The following HDAC9 variants were observed in gnomAD, a reference collection of about 807,000 sequenced individuals.
HDAC9 encodes histone deacetylase 9, also known as MEF-2 interacting transcription repressor (MITR) protein.
HDAC9 carries 41 observed loss-of-function variants against 139.4 expected under a neutral mutation model. The ratio of observed to expected loss-of-function variants is 0.29; its 90% CI spans 0.23 to 0.38. The LOEUF (loss-of-function observed/expected upper bound fraction) is 0.38. Among genes scored for constraint, HDAC9 ranks in the 10% least tolerant of loss-of-function variants. The pLI is 1.00. For missense variants in HDAC9, 1,147 were observed against 1,297.0 expected, an observed-to-expected ratio of 0.88 and a Z score of 1.78; for synonymous variants, 517 against 476.2, an observed-to-expected ratio of 1.09 and a Z score of -1.12.
At chr7:18,509,311 C>A (rs563335289) in intron 2 of HDAC9, 3 of 985,262 alleles carry the variant, frequency 3.0e-6, no homozygotes, top group Admixed American at 6.2e-5. Flanking sequence ...GGTGGGGAAG[C>A]CTTTATCAAT....
chr7:18,137,534 A>G (rs1182596322), intron 1 of HDAC9, among the ~76,000 whole-genome samples: 1 of 151,888 alleles, frequency 6.6e-6, no homozygotes, highest in East Asian at 1.9e-4. Flanking sequence ...AATTTTGTCA[A>G]AGGCCTTTTC....
chr7:18,846,583 A>T (rs922197984), intron 21 of HDAC9, among the ~76,000 whole-genome samples: 14 of 152,254 alleles, frequency 9.2e-5, no homozygotes, highest in African/African-American at 3.1e-4. Context: ...TGTCACTTTC[A>T]GAAGTACGAA....
intron 2 of HDAC9, among the ~76,000 whole-genome samples, chr7:18,499,454 A>C (rs542197831): frequency 3.3e-5 from 5 of 152,254 alleles, no homozygotes; most frequent in African/African-American, 1.2e-4. Context: ...ATAATATTAA[A>C]TCTTAGAATT....
intron 21 of HDAC9, among the ~76,000 whole-genome samples, chr7:18,838,693 C>A (rs551829265): frequency 1.3e-5 from 2 of 151,954 alleles, no homozygotes; most frequent in South Asian, 4.1e-4. Context: ...AGTATTGAAC[C>A]AGAAGATCTT....
At chr7:18,990,895 G>A (rs919996229) in intron 25 of HDAC9, among the ~76,000 whole-genome samples, 1 of 152,204 alleles carries the variant, frequency 6.6e-6, no homozygotes, top group Non-Finnish European at 1.5e-5. Context: ...GTCTCGCCCT[G>A]CTTGGGCTCG....
At chr7:18,460,051 C>T (rs1793701623) in intron 1 of HDAC9, among the ~76,000 whole-genome samples, 1 of 151,532 alleles carries the variant, frequency 6.6e-6, no homozygotes, top group Admixed American at 6.6e-5. Context: ...TCTTGGGTAG[C>T]CGGGACTACA....
intron 17 of HDAC9, among the ~76,000 whole-genome samples, chr7:18,818,757 T>C (rs768700749): frequency 1.3e-5 from 2 of 152,186 alleles, no homozygotes; most frequent in African/African-American, 4.8e-5. Flanking sequence ...TTATTTTTCA[T>C]GATTTTGAAG....
intron 21 of HDAC9, among the ~76,000 whole-genome samples, chr7:18,842,778 T>A (rs918204233): frequency 1.3e-5 from 2 of 152,146 alleles, no homozygotes; most frequent in African/African-American, 4.8e-5. Context: ...GAATTTCTGC[T>A]CTTTGACCCT....
At chr7:18,457,082 A>G (rs1023106037) in intron 1 of HDAC9, among the ~76,000 whole-genome samples, 6 of 152,206 alleles carry the variant, frequency 3.9e-5, no homozygotes, top group Non-Finnish European at 8.8e-5. Flanking sequence ...ACCTTAGTCT[A>G]GTAGATTTCC....
At chr7:18,982,433 C>A (rs1273034233) in intron 25 of HDAC9, among the ~76,000 whole-genome samples, 1 of 152,102 alleles carries the variant, frequency 6.6e-6, no homozygotes, top group Non-Finnish European at 1.5e-5. Context: ...TCCTGCCTTA[C>A]TTCTAACATT....
chr7:18,466,524 A>G lies in HDAC9; in HGVS notation c.-41-29738A>G, dbSNP rs192121241. On this transcript the variant is annotated intron_variant, in intron 1 of 3. Transcript: ENST00000413509. ...GCCCTTTTTCTTTATCTTCAAAGCCAGTAATATTGGGTAGACGTCCTCTCG... is the reference window on the plus strand; with the variant it reads ...GCCCTTTTTCTTTATCTTCAAAGCCGGTAATATTGGGTAGACGTCCTCTCG... 9.5e-4 allele frequency among the ~76,000 whole-genome samples: 145 copies of G among 152,224 alleles called. 1 individual carries two copies. The highest frequency in any genetic ancestry group is 3.8e-4 in the Non-Finnish European group (26 of 67,996).
At chr7:18,973,506 C>T (rs1264008506) in intron 24 of HDAC9, among the ~76,000 whole-genome samples, 1 of 152,066 alleles carries the variant, frequency 6.6e-6, no homozygotes, top group Non-Finnish European at 1.5e-5. Flanking sequence ...TAGCGGACAC[C>T]CATGTCAACA....
intron 17 of HDAC9, among the ~76,000 whole-genome samples, 192 bp from the exon 18 acceptor site, chr7:18,828,969 A>C (rs2129205721): frequency 6.6e-6 from 1 of 152,286 alleles, no homozygotes; most frequent in East Asian, 1.9e-4. Flanking sequence ...GATCTGAGAA[A>C]ATGTGATCAC....
chr7:18,864,167 G>C (rs1798313162), intron 21 of HDAC9, among the ~76,000 whole-genome samples: 1 of 152,104 alleles, frequency 6.6e-6, no homozygotes. Flanking sequence ...AAGAAAATGT[G>C]GTATATAGAT....
intron 12 of HDAC9, among the ~76,000 whole-genome samples, chr7:18,688,707 C>A (rs972106225): frequency 1.3e-5 from 2 of 151,878 alleles, no homozygotes; most frequent in Non-Finnish European, 2.9e-5. Context: ...ACTGTTTCCA[C>A]CGAAAAACTA....
intron 2 of HDAC9, 157 bp from the exon 3 acceptor site, chr7:18,585,124 A>T (rs1829055840): frequency 2.5e-6 from 2 of 816,026 alleles, no homozygotes. Flanking sequence ...TGTACAAATG[A>T]CTTTATATCA....
chr7:18,097,722 C>A (rs905146544), intron 1 of HDAC9, among the ~76,000 whole-genome samples: 1 of 152,010 alleles, frequency 6.6e-6, no homozygotes, highest in Admixed American at 6.6e-5. Context: ...CATATACCAC[C>A]ACACCTGGCT....
At chr7:18,220,534 G>A (rs978625763) in intron 2 of HDAC9, among the ~76,000 whole-genome samples, 1 of 152,146 alleles carries the variant, frequency 6.6e-6, no homozygotes, top group Non-Finnish European at 1.5e-5. Flanking sequence ...TTGTACAAGA[G>A]TAAGAGAGAA....
At chr7:18,137,562 T>G (rs1785521547) in intron 1 of HDAC9, among the ~76,000 whole-genome samples, 3 of 151,856 alleles carry the variant, frequency 2.0e-5, no homozygotes, top group Admixed American at 6.5e-5. Context: ...ATTGAGATAA[T>G]CATGTGGTTT....
Sources: allele counts gnomAD v4.1 joint callset (sites outside exome capture counted in the v4.1 genomes callset), GRCh38; gene constraint gnomAD v4.1.1; transcripts MANE v1.5; gene names NCBI Gene and HGNC (gene_info 2026-07-23, HGNC 2026-07-21).